The following HECTD4 variants were observed in gnomAD, a reference collection of about 807,000 sequenced individuals.
The protein encoded by HECTD4 is probable E3 ubiquitin-protein ligase HECTD4.
A neutral mutation model predicts 471.5 loss-of-function variants in HECTD4; 114 were observed. The observed-to-expected ratio is 0.24, with a 90% CI of 0.21 to 0.28. HECTD4 has a LOEUF of 0.28. Ranked by LOEUF, HECTD4 falls within the 10% of genes least tolerant of loss-of-function variation. The pLI, the probability that HECTD4 is intolerant of heterozygous loss-of-function variation, is 1.00. For missense variants in HECTD4, 3,866 were observed against 5,651.5 expected (o/e 0.68, Z 10.13); for synonymous variants, 2,012 against 2,256.0 (o/e 0.89, Z 3.07).
At chr12:112,167,222 C>A in intron 72 of HECTD4, 95 bp downstream of exon 72, 2 of 1,128,536 alleles carry the variant, frequency 1.8e-6, no homozygotes, top group Middle Eastern at 2.1e-4. Context: ...CCCAACCCAG[C>A]CTCAGCGGGG....
chr12:112,295,782 C>G (rs1053166364), intron 7 of HECTD4, among the ~76,000 whole-genome samples: 1 of 150,902 alleles, frequency 6.6e-6, no homozygotes, highest in Non-Finnish European at 1.5e-5. Context: ...GCTGGGACTA[C>G]GGACATGCAC....
At chr12:112,349,185 C>T (rs925965999) in intron 1 of HECTD4, among the ~76,000 whole-genome samples, 1 of 151,854 alleles carries the variant, frequency 6.6e-6, no homozygotes, top group African/African-American at 2.4e-5. Flanking sequence ...GTCAGGAGTT[C>T]GAGACCAGCC....
In HECTD4 at chr12:112,320,406, ATGT is replaced by A. The variant is rs566209981; in HGVS notation, c.178-667_178-665del. Among the ~76,000 whole-genome samples the A allele has an allele frequency of 6.6e-5, 10 of 151,942 alleles. No homozygotes were observed. The South Asian group carries it at 1.9e-3, about 28-fold the overall frequency. ...TTTAGTAAATGATCTTGAGTTATAA[ATGT>A]TGTTTCTAGGACAGGCGCGGTGGCT... On this transcript the variant is annotated intron_variant, in intron 1 of 75. Transcript: ENST00000682272.
chr12:112,199,583 C>T (rs1045598922), intron 55 of HECTD4, among the ~76,000 whole-genome samples: 29 of 152,204 alleles, frequency 1.9e-4, no homozygotes, highest in Non-Finnish European at 1.8e-4. Context: ...ATATTTTCCT[C>T]TGAATTATTA....
intron 1 of HECTD4, among the ~76,000 whole-genome samples, chr12:112,356,328 A>G (rs757304528): frequency 6.6e-6 from 1 of 152,210 alleles, no homozygotes; most frequent in Admixed American, 6.5e-5. Flanking sequence ...TTACAGCTAT[A>G]TATGTTCTAA....
chr12:112,335,896 C>T lies in HECTD4; in HGVS notation c.178-16154G>A, dbSNP rs113317431. Among the ~76,000 whole-genome samples the T allele has an allele frequency of 3.7e-3, 570 of 152,008 alleles. 4 individuals are homozygous for T. The highest frequency in any genetic ancestry group is 0.013 in the African/African-American group (526 of 41,462). ...ACAATCATTGTTTTGCAATCTCTAC[C>T]GATTTAATAGATTTAGGCAGTGAGC... On this transcript the variant is annotated intron_variant, in intron 1 of 75. Transcript: ENST00000682272.
chr12:112,318,127 A>C (rs1246727523), intron 2 of HECTD4, among the ~76,000 whole-genome samples: 5 of 151,606 alleles, frequency 3.3e-5, no homozygotes, highest in East Asian at 1.9e-4. Flanking sequence ...ATACAAAAAA[A>C]TTAGTTGGGC....
At chr12:112,245,496 GA>G (rs2033741393) in intron 29 of HECTD4, among the ~76,000 whole-genome samples, 1 of 152,176 alleles carries the variant, frequency 6.6e-6, no homozygotes, top group Admixed American at 6.5e-5. Flanking sequence ...CCTGGCATGT[GA>G]TTGTACCACA....
chr12:112,336,829 T>C (rs1290460946), intron 1 of HECTD4, among the ~76,000 whole-genome samples: 5 of 152,228 alleles, frequency 3.3e-5, no homozygotes, highest in African/African-American at 9.6e-5. Context: ...GGGTTTATTA[T>C]GTGATTCACC....
At chr12:112,238,966 C>G in intron 34 of HECTD4, 86 bp downstream of exon 34, 1 of 1,290,578 alleles carries the variant, frequency 7.7e-7, no homozygotes, top group South Asian at 1.6e-5. Flanking sequence ...GAGGCTTTCT[C>G]TCTTTCATTT....
Position 112,173,031 on chromosome 12 carries a change from T to C in HECTD4, c.11595-170A>G, listed in dbSNP as rs1471950989. On this transcript the variant is annotated intron_variant, in intron 66 of 75. Coordinates refer to ENST00000682272, the MANE Select transcript of HECTD4 (RefSeq NM_001388303.1). The surrounding 1 kb of genome is among the most constrained non-coding windows in gnomAD (Gnocchi z 4.3). ...GGACAGCTCCTCATGGGGAAAGCTC[T>C]TTCAAAAGAAGCAAGCCAAGCATGC... Among the ~76,000 whole-genome samples, 1 of 152,182 alleles carries C rather than the reference T, an allele frequency of 6.6e-6. No homozygotes were observed. The highest frequency in any genetic ancestry group is 1.5e-5 in the Non-Finnish European group (1 of 68,028).
chr12:112,257,179 A>G (rs1340500356), intron 20 of HECTD4, among the ~76,000 whole-genome samples: 1 of 152,262 alleles, frequency 6.6e-6, no homozygotes, highest in Non-Finnish European at 1.5e-5. Context: ...GCAAAGCCTT[A>G]CTGTCCAATA....
Position 112,270,216 on chromosome 12 carries a change from A to C in HECTD4, c.2175+11T>G. On this transcript the variant is annotated intron_variant, in intron 12 of 75. Coordinates refer to ENST00000682272, the MANE Select transcript of HECTD4 (RefSeq NM_001388303.1). ...TCTATCATCTTATTTATTTCAAAAC[A>C]GTGTATTTACCTGAAAGACAACGAG... The C allele has an allele frequency of 6.3e-7, 1 of 1,598,776 alleles. No homozygotes were observed. Among genetic ancestry groups the C allele is most frequent in the Non-Finnish European group, 8.6e-7 (1 of 1,166,270 alleles).
chr12:112,282,689 C>T (rs1202333744), intron 8 of HECTD4, among the ~76,000 whole-genome samples: 2 of 152,100 alleles, frequency 1.3e-5, no homozygotes, highest in African/African-American at 4.8e-5. Context: ...TATTTTAAAA[C>T]ATTAAATTAA....
chr12:112,189,507 C>T (rs1186380628), intron 60 of HECTD4, among the ~76,000 whole-genome samples: 4 of 129,562 alleles, frequency 3.1e-5, no homozygotes, highest in Non-Finnish European at 4.7e-5. Flanking sequence ...GCTAAGATGG[C>T]GCTACTGCAC....
chr12:112,289,168 T>C (rs1433295042), intron 7 of HECTD4, among the ~76,000 whole-genome samples: 2 of 151,920 alleles, frequency 1.3e-5, no homozygotes, highest in Non-Finnish European at 2.9e-5. Context: ...GGCACGATCA[T>C]GGCTCACTGC....
Position 112,248,108 on chromosome 12 carries a change from C to T in HECTD4, c.4207G>A (p.Glu1403Lys). The change falls in exon 27 of 76, where the codon GAG becomes AAG. Residue 1403 changes from glutamate (E) to lysine (K), a missense_variant. Transcript: ENST00000682272. ...TCATAAAAGAAAGGCATGTTGTTCT[C>T]CAGTTTCCCCTGCATGGCATCATCA... Reference protein sequence around the residue: ...EVDDAMQGKLENNMPFFYDYH... With the variant: ...EVDDAMQGKLKNNMPFFYDYH... 1 of 1,613,560 alleles carries T rather than the reference C, an allele frequency of 6.2e-7. No homozygotes were observed. The highest frequency in any genetic ancestry group is 8.5e-7 in the Non-Finnish European group (1 of 1,179,758).
In HECTD4 at chr12:112,247,004, T is replaced by C. The variant is rs2033778450; in HGVS notation, c.4410A>G (p.Leu1470=). 6.2e-7 allele frequency: 1 copy of C among 1,611,800 alleles called. No individual in the cohort carries two copies. Among genetic ancestry groups the C allele is most frequent in the Non-Finnish European group, 8.5e-7 (1 of 1,179,746 alleles). ...PSHPLAKTKT[L]VKSLMNRAEL... is the part of the protein sequence containing the mutation. ...CGGCTCGGTTCATTAAACTCTTCAC[T>C]AACGTCTTTGTTTTAGCCAGTGGGT... The change falls in exon 29 of 76, where the codon TTA becomes TTG. Residue 1470 remains leucine (L), a synonymous_variant. Transcript: ENST00000682272.
chr12:112,308,609 C>A, intron 6 of HECTD4, 144 bp downstream of exon 6: 1 of 752,368 alleles, frequency 1.3e-6, no homozygotes, highest in Non-Finnish European at 2.0e-6. Context: ...AAATAAAAAA[C>A]AGAATGCCCA....
Sources: gnomAD v4.1 joint callset for allele counts (sites outside exome capture counted in the v4.1 genomes callset) on GRCh38, gnomAD v4.1.1 for gene constraint, Gnocchi (gnomAD v3.1) non-coding constraint, MANE v1.5 for transcripts, NCBI Gene and HGNC (gene_info 2026-07-23, HGNC 2026-07-21) for gene names.